ASTN2: variants seen among roughly 807,000 people sequenced by gnomAD.
ASTN2 encodes the protein astrotactin-2.
Under a neutral mutation model 139.8 loss-of-function variants are expected in ASTN2, and 54 were observed. That is an observed-to-expected ratio of 0.39 (90% CI 0.31 to 0.48). The LOEUF (loss-of-function observed/expected upper bound fraction) is 0.48, where lower values mean the gene tolerates loss of function less well. Ranked by LOEUF, ASTN2 falls within the 20% of genes least tolerant of loss-of-function variation. The probability of loss-of-function intolerance (pLI) is 0.95; values close to 1 mark genes in which losing one functional copy is unlikely to be tolerated. For missense variants in ASTN2, 1,565 were observed against 1,725.1 expected, an observed-to-expected ratio of 0.91 and a Z score of 1.64; for synonymous variants, 756 against 719.5, an observed-to-expected ratio of 1.05 and a Z score of -0.81.
intron 2 of ASTN2, among the ~76,000 whole-genome samples, chr9:117,241,685 A>C (rs1470718847): frequency 1.3e-5 from 2 of 152,160 alleles, no homozygotes; most frequent in Non-Finnish European, 2.9e-5. Context: ...CCAGTGGCTC[A>C]AATCATGTGG....
chr9:116,725,918 C>A lies in ASTN2; in HGVS notation c.2659G>T (p.Glu887Ter). 1 of 1,613,732 alleles carries A rather than the reference C, an allele frequency of 6.2e-7. No homozygotes were observed. Among genetic ancestry groups the A allele is most frequent in the Non-Finnish European group, 8.5e-7 (1 of 1,179,908 alleles). ...GACAGCAGCTCCTCCCGACTGCTCTCCTTGGTCAGGATCTTGAGAACATTA... is the reference window on the plus strand; with the variant it reads ...GACAGCAGCTCCTCCCGACTGCTCTACTTGGTCAGGATCTTGAGAACATTA... ...FTNVLKILTKESSREELLSFI... is the reference protein window; with the variant it reads ...FTNVLKILTK The change falls in exon 16 of 23, where the codon GAG becomes TAG. Residue 887 changes from glutamate (E) to a stop codon, truncating the protein, a stop_gained. Coordinates refer to ENST00000313400, the MANE Select transcript of ASTN2 (RefSeq NM_001365068.1). LOFTEE classifies it high-confidence loss of function.
intron 16 of ASTN2, among the ~76,000 whole-genome samples, chr9:116,670,678 CA>C (rs1487985129): frequency 1.3e-5 from 2 of 151,976 alleles, no homozygotes; most frequent in Non-Finnish European, 2.9e-5. Flanking sequence ...AATACTGGAG[CA>C]AAGAGGAGCA....
intron 2 of ASTN2, among the ~76,000 whole-genome samples, chr9:117,225,516 C>A (rs1319108360): frequency 1.9e-5 from 2 of 104,034 alleles, no homozygotes; most frequent in African/African-American, 6.5e-5. Context: ...AGTTCAAGAC[C>A]AGCCTGGCCA....
At chr9:116,867,699 A>C (rs1833054233) in intron 10 of ASTN2, among the ~76,000 whole-genome samples, 1 of 152,186 alleles carries the variant, frequency 6.6e-6, no homozygotes, top group African/African-American at 2.4e-5. Flanking sequence ...AAGCTATAAA[A>C]ATACAAAAGC....
chr9:116,831,461 C>A (rs917985744), intron 11 of ASTN2, among the ~76,000 whole-genome samples: 2 of 152,158 alleles, frequency 1.3e-5, no homozygotes. Flanking sequence ...CAAACACCTA[C>A]CTACTCAGTG....
intron 17 of ASTN2, 109 bp downstream of exon 17, chr9:116,651,419 T>G: frequency 1.6e-6 from 2 of 1,233,782 alleles, no homozygotes; most frequent in Non-Finnish European, 2.3e-6. Context: ...ACCATGATGA[T>G]GATATGATGA....
intron 10 of ASTN2, among the ~76,000 whole-genome samples, chr9:116,892,380 A>G (rs1833782632): frequency 6.6e-6 from 1 of 152,154 alleles, no homozygotes; most frequent in African/African-American, 2.4e-5. Flanking sequence ...TAGCTTAGGA[A>G]CGGTTTTAAG....
At position 117,022,456 on chromosome 9, in the gene ASTN2, A is replaced by AAAAAAC. The variant is rs1588488798; in HGVS notation, c.1424-14198_1424-14197insGTTTTT. Among the ~76,000 whole-genome samples, 8 of 107,218 alleles carry AAAAAAC rather than the reference A, an allele frequency of 7.5e-5. No individual in the cohort carries two copies. The South Asian group carries it at 2.0e-3, about 27-fold the overall frequency. The allele number at this position is 107,218 out of a possible 152,430, so 70.3% of individuals were successfully genotyped here. ...GTATCCCAGGGCAAAAAAAAAAAAC[A>AAAAAAC]AAAAAACAAAAAACAAAAAAACAAC... On this transcript the variant is annotated intron_variant, in intron 6 of 22. Transcript: ENST00000313400.
At chr9:117,355,478 G>A (rs1277778310) in intron 1 of ASTN2, among the ~76,000 whole-genome samples, 2 of 152,194 alleles carry the variant, frequency 1.3e-5, no homozygotes, top group Admixed American at 6.5e-5. Context: ...GCAATGGAGT[G>A]CAGAGAGAGG....
chr9:116,889,120 C>T (rs1017927436), intron 10 of ASTN2, among the ~76,000 whole-genome samples: 2 of 152,112 alleles, frequency 1.3e-5, no homozygotes, highest in African/African-American at 4.8e-5. Flanking sequence ...CTGGCCTCAA[C>T]TGATCCACCA....
chr9:116,862,580 A>G (rs1832910493), intron 11 of ASTN2, among the ~76,000 whole-genome samples: 2 of 152,152 alleles, frequency 1.3e-5, no homozygotes, highest in Admixed American at 1.3e-4. Flanking sequence ...AGGCAGAGAG[A>G]AGGTACAAGA....
intron 1 of ASTN2, among the ~76,000 whole-genome samples, chr9:117,409,669 C>T (rs997932346): frequency 6.6e-6 from 1 of 152,150 alleles, no homozygotes; most frequent in Non-Finnish European, 1.5e-5. Flanking sequence ...AGGGTCTCCC[C>T]CTGCCACACA....
chr9:117,205,923 C>G (rs1222864319), intron 3 of ASTN2, among the ~76,000 whole-genome samples: 1 of 152,186 alleles, frequency 6.6e-6, no homozygotes, highest in Non-Finnish European at 1.5e-5. Context: ...CAAATGTAAA[C>G]ACATCCTGTG....
chr9:116,940,637 A>T (rs998210216), intron 10 of ASTN2, among the ~76,000 whole-genome samples: 1 of 152,244 alleles, frequency 6.6e-6, no homozygotes, highest in African/African-American at 2.4e-5. Flanking sequence ...ACTACAAGTC[A>T]AAAAGTTTAA....
chr9:116,688,643 G>T (rs1037017118), intron 16 of ASTN2, among the ~76,000 whole-genome samples: 1 of 107,038 alleles, frequency 9.3e-6, no homozygotes, highest in African/African-American at 2.8e-5. Context: ...CCGGTCCCCC[G>T]GCCCACTGAA....
At chr9:117,303,001 C>G (rs1834912851) in intron 1 of ASTN2, among the ~76,000 whole-genome samples, 1 of 152,152 alleles carries the variant, frequency 6.6e-6, no homozygotes. Context: ...TTTTCTTCTG[C>G]ATACATGGAT....
chr9:117,144,006 G>A (rs183517645), intron 3 of ASTN2, among the ~76,000 whole-genome samples: 1 of 152,300 alleles, frequency 6.6e-6, no homozygotes, highest in Non-Finnish European at 1.5e-5. Flanking sequence ...CAGTGTGACT[G>A]TATTTGGAGG....
intron 4 of ASTN2, among the ~76,000 whole-genome samples, chr9:117,133,982 G>A (rs1047975219): frequency 6.6e-6 from 1 of 151,838 alleles, no homozygotes; most frequent in South Asian, 2.1e-4. Flanking sequence ...TGGTTTAAGT[G>A]GAACCTCATT....
chr9:116,884,803 G>GCCT (rs1833548179), intron 10 of ASTN2, among the ~76,000 whole-genome samples: 1 of 69,640 alleles, frequency 1.4e-5, no homozygotes, highest in African/African-American at 6.7e-5. Flanking sequence ...CCAAATATCC[G>GCCT]CCCCCCCCCC....
Sources: allele counts gnomAD v4.1 joint callset (sites outside exome capture counted in the v4.1 genomes callset), GRCh38; gene constraint gnomAD v4.1.1; transcripts MANE v1.5; gene names NCBI Gene and HGNC (gene_info 2026-07-23, HGNC 2026-07-21).